Variants in ANKRD30B observed in about 807,000 individuals in gnomAD.
ANKRD30B encodes the protein ankyrin repeat domain 30B.
ANKRD30B carries 144 observed loss-of-function variants against 202.2 expected under a neutral mutation model. The observed-to-expected ratio is 0.71, with a 90% CI of 0.62 to 0.82. The LOEUF is 0.82. Among genes scored for constraint, ANKRD30B ranks in the 40% least tolerant of loss-of-function variants. The probability of loss-of-function intolerance (pLI) is 0.00; values close to 1 mark genes in which losing one functional copy is unlikely to be tolerated. For missense variants in ANKRD30B, 1,487 were observed against 1,669.1 expected, an observed-to-expected ratio of 0.89 and a Z score of 1.90; for synonymous variants, 508 against 561.3, an observed-to-expected ratio of 0.91 and a Z score of 1.34.
chr18:14,907,509 T>G, the ANKRD30B span, among the ~76,000 whole-genome samples: 3 of 152,150 alleles, frequency 2.0e-5, no homozygotes, highest in Non-Finnish European at 4.4e-5. Flanking sequence ...GGAGAGGGCG[T>G]AGGAGCGGCT....
At position 14,796,418 on chromosome 18, in the gene ANKRD30B, A is replaced by G. The variant is rs1968896979; in HGVS notation, c.1927+3A>G. The G allele has an allele frequency of 1.9e-6, 3 of 1,543,102 alleles. No homozygotes were observed. The highest frequency in any genetic ancestry group is 2.4e-5 in the East Asian group (1 of 40,874). On this transcript the variant is annotated splice_donor_region_variant and intron_variant, in intron 18 of 43. Transcript: ENST00000690538. The stretch of plus-strand genomic sequence containing the variant: ...GGACAGAGAAACATTCAAAGCAGGT[A>G]AATTTTGTAATTTAACTTTTAATCT...
downstream of ANKRD30B, among the ~76,000 whole-genome samples, chr18:14,858,488 T>C (rs1246908613): frequency 5.4e-4 from 28 of 51,924 alleles, no homozygotes; most frequent in East Asian, 1.2e-3. Context: ...CACTCCTCAC[T>C]TCCCAGATGG....
the ANKRD30B span, among the ~76,000 whole-genome samples, chr18:14,938,989 C>A: frequency 6.6e-6 from 1 of 152,194 alleles, no homozygotes; most frequent in East Asian, 1.9e-4. Context: ...TAAATGGCCA[C>A]AGGCTGCTGT....
At chr18:14,856,773 G>A (rs1489068415), downstream of ANKRD30B, among the ~76,000 whole-genome samples, 2 of 122,664 alleles carry the variant, frequency 1.6e-5, no homozygotes, top group Non-Finnish European at 1.8e-5. Flanking sequence ...GGTGGGAGCT[G>A]GGCAGAGGCG....
downstream of ANKRD30B, among the ~76,000 whole-genome samples, chr18:14,858,114 A>G (rs1262681363): frequency 2.0e-5 from 2 of 100,678 alleles, no homozygotes; most frequent in Admixed American, 8.8e-5. Flanking sequence ...CTCCCAGACA[A>G]TGGGCGGCTG....
the ANKRD30B span, among the ~76,000 whole-genome samples, chr18:14,923,670 A>G: frequency 2.6e-5 from 4 of 152,200 alleles, no homozygotes; most frequent in Middle Eastern, 3.2e-3. Context: ...AAGGTACCCA[A>G]GTAGGGTTAA....
intron 39 of ANKRD30B, among the ~76,000 whole-genome samples, chr18:14,847,448 C>T (rs1396096028): frequency 7.3e-6 from 1 of 137,664 alleles, no homozygotes; most frequent in East Asian, 2.0e-4. Context: ...TGTGGACTTA[C>T]ATATTACCTG....
At position 14,754,777 on chromosome 18, in the gene ANKRD30B, A is replaced by G. The variant is rs534082025; in HGVS notation, c.511-122A>G. 1.6e-5 allele frequency: 10 copies of G among 622,092 alleles called. No homozygotes were observed. The East Asian group carries it at 3.0e-4, about 19-fold the overall frequency. 38.5% of individuals were successfully genotyped at this position (622,092 alleles called of 1,614,324 possible). On this transcript the variant is annotated intron_variant, in intron 3 of 43. Coordinates refer to ENST00000690538, the MANE Select transcript of ANKRD30B (RefSeq NM_001367607.2). Reference sequence around the variant, plus strand: ...GAAAAAGGAGAAAGAAGGGACTGCTATTGATTTACTTATTTACTTTCTACT... The same window carrying G: ...GAAAAAGGAGAAAGAAGGGACTGCTGTTGATTTACTTATTTACTTTCTACT...
chr18:14,784,579 T>TTGGA, intron 14 of ANKRD30B, 44 bp downstream of exon 14: 1 of 1,557,756 alleles, frequency 6.4e-7, no homozygotes, highest in Admixed American at 1.7e-5. Context: ...TAGTTCAATA[T>TTGGA]TGGACATTTT....
chr18:14,809,888 A>G lies in ANKRD30B; in HGVS notation c.2387-98A>G. 8 of 1,161,320 alleles carry G rather than the reference A, an allele frequency of 6.9e-6. 1 individual carries two copies. The highest frequency in any genetic ancestry group is 6.1e-5 in the South Asian group (5 of 81,746). 71.9% of individuals were successfully genotyped at this position (1,161,320 alleles called of 1,614,324 possible). On this transcript the variant is annotated intron_variant, in intron 26 of 43. Coordinates refer to ENST00000690538, the MANE Select transcript of ANKRD30B (RefSeq NM_001367607.2). ...ACCTAGTGTAATCCCTTTTCAATCC[A>G]AGCATGAGGATTCATCTTCATATTC...
chr18:14,764,378 T>TTTTTA (rs1915756767), intron 7 of ANKRD30B, among the ~76,000 whole-genome samples: 1 of 152,072 alleles, frequency 6.6e-6, no homozygotes, highest in South Asian at 2.1e-4. Flanking sequence ...CCTTTTGTAT[T>TTTTTA]TTTTATTTTA....
At chr18:14,786,753 T>A (rs2143891873) in intron 14 of ANKRD30B, among the ~76,000 whole-genome samples, 1 of 152,300 alleles carries the variant, frequency 6.6e-6, no homozygotes, top group African/African-American at 2.4e-5. Context: ...ACATACTGTG[T>A]TTTACAGGAG....
chr18:14,882,637 A>G, the ANKRD30B span, among the ~76,000 whole-genome samples: 2 of 152,092 alleles, frequency 1.3e-5, no homozygotes, highest in African/African-American at 4.8e-5. Context: ...TCCAAAGTAT[A>G]GTTTAAATCC....
the ANKRD30B span, among the ~76,000 whole-genome samples, chr18:14,920,296 A>G: frequency 2.0e-5 from 3 of 152,236 alleles, no homozygotes; most frequent in Non-Finnish European, 2.9e-5. Flanking sequence ...TTGACGCTCA[A>G]CTGACTCACT....
At chr18:14,847,477 T>C (rs976084472) in intron 39 of ANKRD30B, among the ~76,000 whole-genome samples, 1 of 112,638 alleles carries the variant, frequency 8.9e-6, no homozygotes, top group Non-Finnish European at 1.8e-5. Context: ...TTGCTCATAG[T>C]TCTCTAGTAT....
At chr18:14,845,855 G>A (rs1361211551) in intron 39 of ANKRD30B, among the ~76,000 whole-genome samples, 1 of 152,086 alleles carries the variant, frequency 6.6e-6, no homozygotes, top group Non-Finnish European at 1.5e-5. Context: ...ATGGCAGAAA[G>A]GGTAAAGAGG....
intron 30 of ANKRD30B, among the ~76,000 whole-genome samples, chr18:14,819,787 C>T (rs1463039975): frequency 6.6e-6 from 1 of 152,104 alleles, no homozygotes; most frequent in Non-Finnish European, 1.5e-5. Context: ...AGTTTGAAGT[C>T]AGGTACTGTG....
chr18:14,898,906 A>G, the ANKRD30B span, among the ~76,000 whole-genome samples: 2 of 152,190 alleles, frequency 1.3e-5, no homozygotes, highest in Admixed American at 1.3e-4. Context: ...TTTCTCATAC[A>G]GTATGAATTC....
chr18:14,770,731 G>A (rs1223039002), intron 8 of ANKRD30B, among the ~76,000 whole-genome samples: 1 of 152,016 alleles, frequency 6.6e-6, no homozygotes, highest in Non-Finnish European at 1.5e-5. Flanking sequence ...TACTAAAATA[G>A]GGTTCAAAGA....
Sources: allele counts gnomAD v4.1 joint callset (sites outside exome capture counted in the v4.1 genomes callset), GRCh38; gene constraint gnomAD v4.1.1; transcripts MANE v1.5; gene names NCBI Gene and HGNC (gene_info 2026-07-23, HGNC 2026-07-21).